Variants in FBXO38 observed in about 807,000 individuals in gnomAD.
FBXO38 encodes the protein F-box protein 38.
A neutral mutation model predicts 131.9 loss-of-function variants in FBXO38; 53 were observed. That is an observed-to-expected ratio of 0.40 (90% confidence interval 0.32 to 0.51). FBXO38 has a LOEUF of 0.51. FBXO38 is among the 20% of genes least tolerant of loss of function. The pLI is 0.53. For synonymous variants in FBXO38, 452 were observed against 505.6 expected (o/e 0.89, Z 1.42); for missense variants, 1,076 against 1,475.6 (o/e 0.73, Z 4.44).
chr5:148,441,254 T>C lies in FBXO38; in HGVS notation c.3388+17T>C, dbSNP rs1432562950. The C allele has an allele frequency of 6.4e-7, 1 of 1,559,824 alleles. No individual in the cohort carries two copies. The highest frequency in any genetic ancestry group is 1.1e-5 in the South Asian group (1 of 89,836). ...ATGAAGAAAGTAATTATGACCTGACTTGACATCTATTCTCTAGTTTAAGTA... is the reference window on the plus strand; with the variant it reads ...ATGAAGAAAGTAATTATGACCTGACCTGACATCTATTCTCTAGTTTAAGTA... On this transcript the variant is annotated intron_variant, in intron 21 of 21. Transcript: ENST00000340253.
chr5:148,393,376 C>T (rs13173784), intron 1 of FBXO38, among the ~76,000 whole-genome samples: 1 of 151,990 alleles, frequency 6.6e-6, no homozygotes, highest in African/African-American at 2.4e-5. Context: ...CCATTTACTG[C>T]TGAGGCAAAA....
intron 14 of FBXO38, among the ~76,000 whole-genome samples, chr5:148,426,054 T>C (rs1753698137): frequency 6.6e-6 from 1 of 152,196 alleles, no homozygotes; most frequent in Non-Finnish European, 1.5e-5. Context: ...CATTCCCCAG[T>C]TGATAATCTG....
chr5:148,425,689 A>G lies in FBXO38; in HGVS notation c.1906A>G (p.Arg636Gly). The G allele has an allele frequency of 6.2e-7, 1 of 1,613,160 alleles. No homozygotes were observed. Among genetic ancestry groups the G allele is most frequent in the Non-Finnish European group, 8.5e-7 (1 of 1,179,606 alleles). ...AAAAACTGGAGAGTCAGTGCAGTCC[A>G]GAGAATTGTCAGGTGAGAAATTGTC... Reference protein sequence around the residue: ...EEKTGESVQSRELSVSGKGKT... With the variant: ...EEKTGESVQSGELSVSGKGKT... Residue 636 changes from arginine to glycine, a missense_variant, in exon 14 of 22, where the codon AGA (arginine) becomes GGA (glycine). Transcript: ENST00000340253.
At chr5:148,409,491 T>C (rs560185461) in intron 8 of FBXO38, among the ~76,000 whole-genome samples, 3 of 152,328 alleles carry the variant, frequency 2.0e-5, no homozygotes, top group Admixed American at 6.5e-5. Context: ...TGGAAATGGC[T>C]GAGAGTCCAA....
intron 2 of FBXO38, 26 bp downstream of exon 2, chr5:148,394,930 C>G (rs1758400422): frequency 6.5e-7 from 1 of 1,546,130 alleles, no homozygotes; most frequent in African/African-American, 1.4e-5. Flanking sequence ...GTTGGCTTAC[C>G]TGCCTGGAAT....
intron 15 of FBXO38, among the ~76,000 whole-genome samples, chr5:148,432,259 T>C (rs1754079603): frequency 6.6e-6 from 1 of 152,226 alleles, no homozygotes; most frequent in South Asian, 2.1e-4. Flanking sequence ...TAATGTATTT[T>C]CTTAGAATAT....
At chr5:148,430,192 T>C (rs2113638304) in intron 15 of FBXO38, 2 of 150,068 alleles carry the variant, frequency 1.3e-5, no homozygotes, top group South Asian at 4.2e-4. Context: ...TCTCGCTGTG[T>C]CAGCCAGGCT....
intron 6 of FBXO38, among the ~76,000 whole-genome samples, chr5:148,405,251 G>A (rs368412166): frequency 1.3e-3 from 192 of 152,094 alleles, no homozygotes; most frequent in Non-Finnish European, 2.3e-3. Flanking sequence ...TTCAACCCAC[G>A]GTCCACTGGC....
intron 14 of FBXO38, among the ~76,000 whole-genome samples, chr5:148,426,442 A>G (rs557659340): frequency 3.5e-4 from 54 of 152,334 alleles, no homozygotes; most frequent in African/African-American, 1.2e-3. Context: ...ATAATTTGCT[A>G]ATCATTGACT....
chr5:148,415,661 A>G (rs1445684910), intron 10 of FBXO38, among the ~76,000 whole-genome samples: 1 of 152,154 alleles, frequency 6.6e-6, no homozygotes, highest in Non-Finnish European at 1.5e-5. Flanking sequence ...CCTATTGTTG[A>G]AAAGCCATGT....
Position 148,417,204 on chromosome 5 carries a change from G to A in FBXO38, c.1618G>A (p.Ala540Thr), listed in dbSNP as rs779438870. The A allele has an allele frequency of 1.6e-5, 26 of 1,599,508 alleles. No homozygotes were observed. The highest frequency in any genetic ancestry group is 3.3e-5 in the South Asian group (3 of 90,754). Residue 540 changes from alanine to threonine, a missense_variant and splice_region_variant, in exon 12 of 22, where the codon GCA becomes ACA. By Grantham distance (58) the Ala-to-Thr change is moderately conservative (BLOSUM62 0). This residue lies in a region of FBXO38 where 212 missense variants were observed against 221.2 expected (regional missense o/e 0.96). Transcript: ENST00000340253. ...QPGEQQFAAD[A>T]LNEMEDIVQE... is the part of the protein sequence containing the mutation. ...AGGAGAGCAGCAGTTTGCAGCTGAC[G>A]GTAACCCAGATCTTTTATGAGCTCC...
rs538173930 is a variant in FBXO38 at position 148,439,693 on chromosome 5, C to G, written c.3071C>G (p.Pro1024Arg). 6.2e-7 allele frequency: 1 copy of G among 1,608,492 alleles called. No individual in the cohort carries two copies. The highest frequency in any genetic ancestry group is 1.3e-5 in the African/African-American group (1 of 74,990). Residue 1024 changes from proline to arginine, a missense_variant, in exon 19 of 22, where the codon CCC becomes CGC. Transcript: ENST00000340253. ...CAGAAGCTATTTAGTGGTCCCTACC[C>G]CTATCACATCTGTATTATCCATGAA... ...LEQKLFSGPY[P>R]YHICIIHEFS... is the part of the protein sequence containing the mutation.
intron 17 of FBXO38, among the ~76,000 whole-genome samples, chr5:148,437,245 A>T (rs1339043486): frequency 1.3e-5 from 2 of 152,242 alleles, no homozygotes; most frequent in African/African-American, 4.8e-5. Context: ...GTAGTGGCTA[A>T]GTTAATGACA....
chr5:148,436,947 C>T (rs771258197), intron 17 of FBXO38, among the ~76,000 whole-genome samples: 3 of 152,232 alleles, frequency 2.0e-5, no homozygotes, highest in Non-Finnish European at 4.4e-5. Context: ...CCTAGCCTTA[C>T]AGTAGCACTG....
At chr5:148,402,898 CAT>C (rs574968005) in intron 5 of FBXO38, among the ~76,000 whole-genome samples, 221 of 151,730 alleles carry the variant, frequency 1.5e-3, no homozygotes, top group African/African-American at 5.2e-3. Flanking sequence ...TATACACACA[CAT>C]ACACAGAGAG....
At chr5:148,420,979 T>C (rs1753388556) in intron 12 of FBXO38, among the ~76,000 whole-genome samples, 1 of 151,916 alleles carries the variant, frequency 6.6e-6, no homozygotes, top group African/African-American at 2.4e-5. Context: ...TTTTTTTTTT[T>C]TTCTTGAGAC....
At chr5:148,396,668 A>T (rs761802640) in intron 2 of FBXO38, among the ~76,000 whole-genome samples, 2 of 152,150 alleles carry the variant, frequency 1.3e-5, no homozygotes, top group Non-Finnish European at 2.9e-5. Flanking sequence ...ACAGAGTCTC[A>T]CTCTGGCTGG....
intron 15 of FBXO38, chr5:148,430,178 G>C (rs1476649012): frequency 5.6e-5 from 8 of 142,792 alleles, no homozygotes; most frequent in Non-Finnish European, 9.0e-5. Context: ...TTTTTGAGAC[G>C]AATTCTCGCT....
At chr5:148,391,497 T>C (rs1455000729) in intron 1 of FBXO38, among the ~76,000 whole-genome samples, 5 of 152,152 alleles carry the variant, frequency 3.3e-5, no homozygotes, top group African/African-American at 1.2e-4. Flanking sequence ...CTAGGCAAAG[T>C]AGGGAAAAGA....
Sources: allele counts gnomAD v4.1 joint callset (sites outside exome capture counted in the v4.1 genomes callset), GRCh38; gene constraint gnomAD v4.1.1; regional missense constraint gnomAD v4.1.1; transcripts MANE v1.5; gene names NCBI Gene and HGNC (gene_info 2026-07-23, HGNC 2026-07-21).